The following SUMF1 variants were observed in gnomAD, a reference collection of about 807,000 sequenced individuals.
The protein encoded by SUMF1 is formylglycine-generating enzyme.
SUMF1 carries 48 observed loss-of-function variants against 47.6 expected under a neutral mutation model. That is an observed-to-expected ratio of 1.01 (90% confidence interval 0.80 to 1.28). SUMF1 has a LOEUF of 1.28. Ranked by LOEUF, SUMF1 falls within the 50% of genes most tolerant of loss-of-function variation. The probability of loss-of-function intolerance (pLI) is 0.00; values close to 1 mark genes in which losing one functional copy is unlikely to be tolerated. For missense variants in SUMF1, 571 were observed against 485.4 expected, an observed-to-expected ratio of 1.18 and a Z score of -1.66; for synonymous variants, 230 against 192.1, an observed-to-expected ratio of 1.20 and a Z score of -1.63.
chr3:4,460,663 TA>T (rs1409707507), intron 1 of SUMF1, among the ~76,000 whole-genome samples: 14 of 149,110 alleles, frequency 9.4e-5, no homozygotes, highest in African/African-American at 3.2e-4. Flanking sequence ...TATATATATA[TA>T]TATTTTTTAA....
intron 9 of SUMF1, among the ~76,000 whole-genome samples, chr3:4,037,397 C>T (rs964609605): frequency 6.6e-6 from 1 of 152,106 alleles, no homozygotes; most frequent in Middle Eastern, 3.2e-3. Context: ...TAACATTCTT[C>T]CCAGAAAACA....
chr3:4,242,588 T>C (rs1559603710), intron 8 of SUMF1, among the ~76,000 whole-genome samples: 1 of 152,240 alleles, frequency 6.6e-6, no homozygotes, highest in East Asian at 1.9e-4. Context: ...TTGATTTATA[T>C]ATGTTGAACC....
chr3:4,115,850 A>G (rs985337276), intron 8 of SUMF1, among the ~76,000 whole-genome samples: 11 of 152,154 alleles, frequency 7.2e-5, no homozygotes, highest in Admixed American at 5.2e-4. Flanking sequence ...TCTATTTTGT[A>G]AACGACTAAA....
At chr3:4,134,471 G>T (rs927264365) in intron 8 of SUMF1, among the ~76,000 whole-genome samples, 1 of 152,122 alleles carries the variant, frequency 6.6e-6, no homozygotes, top group African/African-American at 2.4e-5. Context: ...TCAAAGCAGT[G>T]TGTAGAGGGA....
At chr3:4,245,667 G>A (rs1472738379) in intron 8 of SUMF1, among the ~76,000 whole-genome samples, 2 of 152,134 alleles carry the variant, frequency 1.3e-5, no homozygotes, top group East Asian at 1.9e-4. Flanking sequence ...CCTACTGGGA[G>A]GTGTCTCCCA....
At chr3:4,316,787 G>C in intron 8 of SUMF1, 1 of 1,550,706 alleles carries the variant, frequency 6.4e-7, no homozygotes, top group East Asian at 2.4e-5. Context: ...AAAAGGTCAT[G>C]GTCACTATTT....
At chr3:4,107,787 C>T (rs1693192613) in intron 8 of SUMF1, among the ~76,000 whole-genome samples, 2 of 152,082 alleles carry the variant, frequency 1.3e-5, no homozygotes, top group South Asian at 4.2e-4. Context: ...CACTGCACTC[C>T]AGCCTAAAAT....
chr3:4,303,188 T>G, intron 8 of SUMF1: 2 of 538,894 alleles, frequency 3.7e-6, no homozygotes, highest in Non-Finnish European at 6.3e-6. Flanking sequence ...GTGGTGCCTC[T>G]GGCTGAAATC....
chr3:4,182,183 G>A (rs1189713375), intron 8 of SUMF1, among the ~76,000 whole-genome samples: 1 of 151,988 alleles, frequency 6.6e-6, no homozygotes, highest in Non-Finnish European at 1.5e-5. Flanking sequence ...TAATGATACA[G>A]GGTATGGGTA....
At chr3:4,258,934 T>C (rs890802185) in intron 8 of SUMF1, among the ~76,000 whole-genome samples, 15 of 143,448 alleles carry the variant, frequency 1.0e-4, no homozygotes, top group Non-Finnish European at 1.8e-4. Flanking sequence ...TATGCAGCCA[T>C]AAAAAAGGAT....
At chr3:4,337,149 C>A (rs1369231265) in intron 8 of SUMF1, among the ~76,000 whole-genome samples, 2 of 152,176 alleles carry the variant, frequency 1.3e-5, no homozygotes, top group East Asian at 3.8e-4. Flanking sequence ...AACAAGAGAG[C>A]CAGCAATATG....
At chr3:4,180,395 G>C (rs1406858584) in intron 8 of SUMF1, among the ~76,000 whole-genome samples, 1 of 152,052 alleles carries the variant, frequency 6.6e-6, no homozygotes, top group Non-Finnish European at 1.5e-5. Context: ...TCCTTTGCAG[G>C]AACATGAATG....
rs532727423 is a variant in SUMF1, at chr3:4,153,736, T to C, written c.1015-84991A>G. Among the ~76,000 whole-genome samples, 38 of 151,750 alleles carry C rather than the reference T, an allele frequency of 2.5e-4. 4 individuals are homozygous for C. The highest frequency in any genetic ancestry group is 8.3e-4 in the African/African-American group (34 of 41,032). On this transcript the variant is annotated intron_variant and NMD_transcript_variant, in intron 8 of 12. Coordinates refer to the SUMF1 transcript ENST00000448413. ...ACCATTCACCTCCTTTGTATAGTTA[T>C]TGTAAAACATATTCCATTTCTGTAT...
chr3:4,321,770 A>T (rs2125117529), intron 8 of SUMF1, among the ~76,000 whole-genome samples: 1 of 152,130 alleles, frequency 6.6e-6, no homozygotes, highest in Non-Finnish European at 1.5e-5. Flanking sequence ...ATAAATTCCT[A>T]CTCCTTTAGT....
rs2633851 is a variant in SUMF1 at position 4,362,133 on chromosome 3, T to G, written c.*11A>C. The G allele has an allele frequency of 1.9e-6, 3 of 1,612,916 alleles. No individual in the cohort carries two copies. The East Asian group carries it at 6.7e-5, about 36-fold the overall frequency. ...ACTGCTCCTTGGACTGGGGAAGACT[T>G]TCCTTGGTTGTCAGTCCATAGTGGG... On this transcript the variant is annotated 3_prime_UTR_variant, in exon 9 of 9. Coordinates refer to ENST00000272902, the MANE Select transcript of SUMF1 (RefSeq NM_182760.4).
intron 7 of SUMF1, among the ~76,000 whole-genome samples, chr3:4,402,046 T>TGC (rs1157139693): frequency 6.6e-6 from 1 of 152,112 alleles, no homozygotes; most frequent in East Asian, 1.9e-4. Flanking sequence ...AAGAAAGAAG[T>TGC]GCGCACACAC....
intron 8 of SUMF1, among the ~76,000 whole-genome samples, chr3:4,224,255 A>G (rs1696128066): frequency 6.6e-6 from 1 of 152,114 alleles, no homozygotes; most frequent in Non-Finnish European, 1.5e-5. Flanking sequence ...TTAGGAAAAG[A>G]CCTGGAAAGG....
intron 8 of SUMF1, among the ~76,000 whole-genome samples, chr3:4,319,147 A>AT (rs1698764217): frequency 6.6e-6 from 1 of 152,244 alleles, no homozygotes; most frequent in South Asian, 2.1e-4. Flanking sequence ...GGAACTCTTC[A>AT]TTGTTCATTG....
intron 7 of SUMF1, among the ~76,000 whole-genome samples, chr3:4,401,596 C>G (rs1701214566): frequency 6.6e-6 from 1 of 152,128 alleles, no homozygotes; most frequent in Middle Eastern, 3.2e-3. Context: ...AAGCACTAAG[C>G]CTACAAGGGT....
Sources: allele counts gnomAD v4.1 joint callset (sites outside exome capture counted in the v4.1 genomes callset), GRCh38; gene constraint gnomAD v4.1.1; transcripts MANE v1.5; gene names NCBI Gene and HGNC (gene_info 2026-07-23, HGNC 2026-07-21).